PDLIM5: variants seen among roughly 807,000 people sequenced by gnomAD.
PDLIM5 encodes PDZ and LIM domain 5, also known as PDZ and LIM domain protein 5.
A neutral mutation model predicts 64.2 loss-of-function variants in PDLIM5; 34 were observed. That is an observed-to-expected ratio of 0.53 (90% confidence interval 0.40 to 0.71). The LOEUF is 0.71. Ranked by LOEUF, PDLIM5 falls within the 30% of genes least tolerant of loss-of-function variation. The pLI is 0.00. For synonymous variants in PDLIM5, 253 were observed against 269.1 expected, an observed-to-expected ratio of 0.94 and a Z score of 0.59; for missense variants, 683 against 733.6, an observed-to-expected ratio of 0.93 and a Z score of 0.80.
intron 2 of PDLIM5, among the ~76,000 whole-genome samples, chr4:94,471,055 C>T (rs1375092400): frequency 6.6e-6 from 1 of 152,080 alleles, no homozygotes; most frequent in African/African-American, 2.4e-5. Flanking sequence ...ATCATGAGAG[C>T]AGCATGGCAA....
intron 2 of PDLIM5, among the ~76,000 whole-genome samples, chr4:94,483,611 G>T (rs978644569): frequency 6.6e-6 from 1 of 151,926 alleles, no homozygotes; most frequent in African/African-American, 2.4e-5. Flanking sequence ...AAAGAAACTT[G>T]GTCATTTGAA....
chr4:94,578,447 G>C (rs1452215754), intron 5 of PDLIM5, among the ~76,000 whole-genome samples: 2 of 152,120 alleles, frequency 1.3e-5, no homozygotes, highest in Non-Finnish European at 2.9e-5. Flanking sequence ...CTTTGCATTT[G>C]CAAACTGGGT....
At chr4:94,561,818 C>G (rs754173292) in intron 3 of PDLIM5, among the ~76,000 whole-genome samples, 3 of 152,198 alleles carry the variant, frequency 2.0e-5, no homozygotes, top group Non-Finnish European at 4.4e-5. Context: ...GGGGAAATCT[C>G]TCTTGTCTAG....
chr4:94,468,562 A>G (rs772762157), intron 2 of PDLIM5, among the ~76,000 whole-genome samples: 2 of 152,230 alleles, frequency 1.3e-5, no homozygotes, highest in Non-Finnish European at 2.9e-5. Context: ...TTGTCTGGAC[A>G]TAATATGGAG....
At chr4:94,649,230 C>A (rs552873900) in intron 9 of PDLIM5, among the ~76,000 whole-genome samples, 2 of 152,236 alleles carry the variant, frequency 1.3e-5, no homozygotes, top group African/African-American at 4.8e-5. Context: ...CCCGTCTCAG[C>A]CTCCCAAAGT....
At chr4:94,543,349 C>T (rs147336328) in intron 3 of PDLIM5, among the ~76,000 whole-genome samples, 5 of 151,866 alleles carry the variant, frequency 3.3e-5, no homozygotes, top group African/African-American at 1.2e-4. Flanking sequence ...TTATCATGTA[C>T]AACATAATGT....
At chr4:94,590,117 G>A (rs1335099523) in intron 7 of PDLIM5, among the ~76,000 whole-genome samples, 2 of 152,056 alleles carry the variant, frequency 1.3e-5, no homozygotes, top group South Asian at 2.1e-4. Flanking sequence ...TCAGAAGACT[G>A]TCTCACACAT....
chr4:94,485,428 A>C (rs908943020), intron 2 of PDLIM5, among the ~76,000 whole-genome samples: 1 of 152,224 alleles, frequency 6.6e-6, no homozygotes, highest in African/African-American at 2.4e-5. Context: ...ATTAGTCTAT[A>C]AATGAAAGTA....
At chr4:94,554,067 T>G (rs1270920232) in intron 3 of PDLIM5, among the ~76,000 whole-genome samples, 1 of 152,234 alleles carries the variant, frequency 6.6e-6, no homozygotes, top group Non-Finnish European at 1.5e-5. Flanking sequence ...TGTTGGACTT[T>G]ATAATCTTTT....
chr4:94,608,190 C>G (rs1171394847), intron 7 of PDLIM5: 6 of 1,514,290 alleles, frequency 4.0e-6, no homozygotes, highest in Non-Finnish European at 5.3e-6. Flanking sequence ...TAGACTCTTC[C>G]TTCTTGGTGT....
intron 3 of PDLIM5, among the ~76,000 whole-genome samples, chr4:94,550,581 A>G (rs1044714209): frequency 6.6e-6 from 1 of 152,172 alleles, no homozygotes; most frequent in Non-Finnish European, 1.5e-5. Context: ...ATACACTTCA[A>G]AGTACCCGTT....
intron 5 of PDLIM5, chr4:94,582,784 T>G (rs915576365): frequency 3.4e-6 from 4 of 1,191,520 alleles, no homozygotes; most frequent in Non-Finnish European, 4.9e-6. Context: ...ACTTTCCTTC[T>G]TGCTTTCAAT....
chr4:94,479,274 A>G (rs1279251640), intron 2 of PDLIM5, among the ~76,000 whole-genome samples: 3 of 141,110 alleles, frequency 2.1e-5, no homozygotes, highest in African/African-American at 5.3e-5. Flanking sequence ...TTTATTTCCT[A>G]TTATTGGTTA....
chr4:94,609,625 T>C (rs930831201), intron 7 of PDLIM5, among the ~76,000 whole-genome samples: 2 of 152,186 alleles, frequency 1.3e-5, no homozygotes, highest in African/African-American at 2.4e-5. Context: ...TTTAAACAAT[T>C]ATCTCTTTTC....
At chr4:94,602,937 A>C (rs1375536607) in intron 7 of PDLIM5, among the ~76,000 whole-genome samples, 1 of 152,226 alleles carries the variant, frequency 6.6e-6, no homozygotes, top group East Asian at 1.9e-4. Flanking sequence ...AGCGATGAAA[A>C]AATATTTGCT....
intron 7 of PDLIM5, among the ~76,000 whole-genome samples, chr4:94,597,975 G>A (rs1288455555): frequency 1.3e-5 from 2 of 152,096 alleles, no homozygotes; most frequent in Admixed American, 1.3e-4. Context: ...TGGGAGAGAT[G>A]TTAATTTTAA....
chr4:94,563,099 A>G (rs1045131535), intron 3 of PDLIM5, among the ~76,000 whole-genome samples: 1 of 152,204 alleles, frequency 6.6e-6, no homozygotes, highest in Admixed American at 6.5e-5. Flanking sequence ...GTGATGGTAT[A>G]AATGTGAGAT....
chr4:94,660,379 C>T (rs78467567), intron 11 of PDLIM5, among the ~76,000 whole-genome samples: 3,873 of 152,100 alleles, frequency 0.025, 163 homozygotes, highest in East Asian at 0.16. Flanking sequence ...AGTTTTTCTG[C>T]GGCGATTCCT....
chr4:94,556,864 A>T (rs985687256), intron 3 of PDLIM5, among the ~76,000 whole-genome samples: 1 of 151,862 alleles, frequency 6.6e-6, no homozygotes, highest in Admixed American at 6.6e-5. Context: ...TTGCCTGTTC[A>T]CTCTGATGGT....
Sources: gnomAD v4.1 joint callset for allele counts (sites outside exome capture counted in the v4.1 genomes callset) on GRCh38, gnomAD v4.1.1 for gene constraint, MANE v1.5 for transcripts, NCBI Gene and HGNC (gene_info 2026-07-23, HGNC 2026-07-21) for gene names.